Variants in CACNG2 observed in about 807,000 individuals in gnomAD.
CACNG2 encodes voltage-dependent calcium channel gamma-2 subunit.
CACNG2 carries 3 observed loss-of-function variants against 25.9 expected under a neutral mutation model. That is an observed-to-expected ratio of 0.12 (90% CI 0.05 to 0.30). The LOEUF (loss-of-function observed/expected upper bound fraction) is 0.30. Ranked by LOEUF, CACNG2 falls within the 10% of genes least tolerant of loss-of-function variation. The probability of loss-of-function intolerance (pLI) is 1.00; values close to 1 mark genes in which losing one functional copy is unlikely to be tolerated. For missense variants in CACNG2, 341 were observed against 432.5 expected, an observed-to-expected ratio of 0.79 and a Z score of 1.88; for synonymous variants, 167 against 173.3, an observed-to-expected ratio of 0.96 and a Z score of 0.29.
chr22:36,685,437 C>T (rs1417336350), intron 1 of CACNG2, among the ~76,000 whole-genome samples: 1 of 152,158 alleles, frequency 6.6e-6, no homozygotes, highest in Non-Finnish European at 1.5e-5. Flanking sequence ...TGGCTCCTGT[C>T]CTCTGGTGCT....
chr22:36,660,522 C>T (rs944849555), intron 1 of CACNG2, among the ~76,000 whole-genome samples: 6 of 152,276 alleles, frequency 3.9e-5, no homozygotes, highest in Non-Finnish European at 8.8e-5. Context: ...GGAATTCTTG[C>T]CAATGTGATT....
At chr22:36,688,991 C>T (rs769533834) in intron 1 of CACNG2, among the ~76,000 whole-genome samples, 38 of 152,170 alleles carry the variant, frequency 2.5e-4, no homozygotes, top group Non-Finnish European at 4.4e-4. Flanking sequence ...TCATTTTCTT[C>T]ATCTGTTTTG....
intron 2 of CACNG2, among the ~76,000 whole-genome samples, chr22:36,586,668 G>A (rs1935507790): frequency 6.6e-6 from 1 of 152,246 alleles, no homozygotes; most frequent in Non-Finnish European, 1.5e-5. Flanking sequence ...AGGGCCTGGA[G>A]CAGAGGCGGG....
intron 2 of CACNG2, among the ~76,000 whole-genome samples, chr22:36,577,194 G>A (rs541949350): frequency 1.3e-5 from 2 of 152,320 alleles, no homozygotes; most frequent in East Asian, 3.9e-4. Context: ...ATAATGTCTG[G>A]TATGCGAGGA....
At chr22:36,582,066 C>G (rs1935426823) in intron 2 of CACNG2, among the ~76,000 whole-genome samples, 1 of 152,220 alleles carries the variant, frequency 6.6e-6, no homozygotes, top group Admixed American at 6.5e-5. Context: ...ATTTCACCCC[C>G]TTCACTGCTA....
intron 2 of CACNG2, among the ~76,000 whole-genome samples, chr22:36,567,294 G>C (rs1935142016): frequency 2.0e-5 from 3 of 152,154 alleles, no homozygotes; most frequent in Admixed American, 2.0e-4. Flanking sequence ...GTATACATAT[G>C]CTTCCACCAT....
At chr22:36,657,955 T>A (rs975730604) in intron 1 of CACNG2, among the ~76,000 whole-genome samples, 2 of 152,078 alleles carry the variant, frequency 1.3e-5, no homozygotes, top group Non-Finnish European at 2.9e-5. Context: ...AGAGGCTCAC[T>A]GAGACTGTGA....
chr22:36,657,767 G>GT (rs1408166837), intron 1 of CACNG2, among the ~76,000 whole-genome samples: 3 of 146,100 alleles, frequency 2.1e-5, no homozygotes, highest in Non-Finnish European at 1.6e-5. Context: ...AGGTCTGTGT[G>GT]TTTCCTTTGC....
At chr22:36,594,772 GGTGT>G (rs778076473) in intron 1 of CACNG2, among the ~76,000 whole-genome samples, 5 of 147,064 alleles carry the variant, frequency 3.4e-5, no homozygotes, top group Non-Finnish European at 7.5e-5. Context: ...TGCGTGCATG[GGTGT>G]GTGTGTCTGT....
intron 1 of CACNG2, among the ~76,000 whole-genome samples, chr22:36,599,151 T>A (rs1935718274): frequency 6.6e-6 from 1 of 152,160 alleles, no homozygotes; most frequent in African/African-American, 2.4e-5. Context: ...ATTTCTATTA[T>A]CGGAGAAATG....
chr22:36,620,085 T>C (rs1936082306), intron 1 of CACNG2, among the ~76,000 whole-genome samples: 1 of 152,238 alleles, frequency 6.6e-6, no homozygotes, highest in African/African-American at 2.4e-5. Context: ...CGTTCAAGCA[T>C]GTGCATACAC....
intron 1 of CACNG2, among the ~76,000 whole-genome samples, chr22:36,686,721 G>A (rs1265630350): frequency 6.6e-6 from 1 of 152,244 alleles, no homozygotes; most frequent in Non-Finnish European, 1.5e-5. Flanking sequence ...CCCGGGCACA[G>A]GGGTTCTAGT....
intron 2 of CACNG2, among the ~76,000 whole-genome samples, chr22:36,577,974 G>T (rs1935352835): frequency 6.6e-6 from 1 of 152,008 alleles, no homozygotes; most frequent in African/African-American, 2.4e-5. Context: ...TGCAGTCCCA[G>T]AAAGTGTGCC....
intron 1 of CACNG2, among the ~76,000 whole-genome samples, chr22:36,653,366 T>C (rs1331859691): frequency 7.5e-6 from 1 of 133,744 alleles, no homozygotes; most frequent in East Asian, 1.9e-4. Flanking sequence ...GTTGCTAACA[T>C]TGAAAAATTG....
chr22:36,613,127 T>A (rs978599161), intron 1 of CACNG2, among the ~76,000 whole-genome samples: 1 of 151,296 alleles, frequency 6.6e-6, no homozygotes, highest in Non-Finnish European at 1.5e-5. Flanking sequence ...TGCTCAATGT[T>A]TCCAAAAGTT....
At chr22:36,662,989 G>A (rs1457594364) in intron 1 of CACNG2, among the ~76,000 whole-genome samples, 1 of 151,552 alleles carries the variant, frequency 6.6e-6, no homozygotes, top group Admixed American at 6.6e-5. Flanking sequence ...AATAATAGTT[G>A]TTGAATGAAA....
chr22:36,696,730 T>G (rs1333466578), intron 1 of CACNG2, among the ~76,000 whole-genome samples: 1 of 152,152 alleles, frequency 6.6e-6, no homozygotes, highest in Admixed American at 6.5e-5. Flanking sequence ...GGGGGATGGA[T>G]GAGGAGTGCA....
chr22:36,577,800 A>G (rs1935349519), intron 2 of CACNG2, among the ~76,000 whole-genome samples: 1 of 152,084 alleles, frequency 6.6e-6, no homozygotes, highest in South Asian at 2.1e-4. Flanking sequence ...GATGTTTCCT[A>G]ACCATGGGGT....
chr22:36,684,631 A>AAC (rs1937172400), intron 1 of CACNG2, among the ~76,000 whole-genome samples: 1 of 151,482 alleles, frequency 6.6e-6, no homozygotes, highest in Non-Finnish European at 1.5e-5. Flanking sequence ...AAAAAAAAAA[A>AAC]CAAAGTAAAA....
Sources: gnomAD v4.1 joint callset for allele counts (sites outside exome capture counted in the v4.1 genomes callset) on GRCh38, gnomAD v4.1.1 for gene constraint, MANE v1.5 for transcripts, NCBI Gene and HGNC (gene_info 2026-07-23, HGNC 2026-07-21) for gene names.